The following DPP10 variants were observed in gnomAD, a reference collection of about 807,000 sequenced individuals.
The protein encoded by DPP10 is inactive dipeptidyl peptidase 10.
DPP10 carries 33 observed loss-of-function variants against 120.9 expected under a neutral mutation model. The observed-to-expected ratio is 0.27, with a 90% CI of 0.21 to 0.37. DPP10 has a LOEUF of 0.37. DPP10 is among the 10% of genes least tolerant of loss of function. The pLI is 1.00. For synonymous variants in DPP10, 337 were observed against 326.1 expected (o/e 1.03, Z -0.36); for missense variants, 816 against 942.8 (o/e 0.87, Z 1.76).
intron 4 of DPP10, among the ~76,000 whole-genome samples, chr2:115,515,884 A>T (rs1274297850): frequency 6.6e-6 from 1 of 152,144 alleles, no homozygotes; most frequent in Admixed American, 6.6e-5. Context: ...AAATAAAATG[A>T]ATAATGAAAA....
At chr2:114,510,150 A>G (rs796506495) in intron 1 of DPP10, among the ~76,000 whole-genome samples, 10 of 152,360 alleles carry the variant, frequency 6.6e-5, no homozygotes, top group African/African-American at 2.4e-4. Flanking sequence ...TGGGCTTCAG[A>G]AGCATTTGTA....
chr2:114,614,123 C>A (rs1413579518), intron 1 of DPP10, among the ~76,000 whole-genome samples: 1 of 152,148 alleles, frequency 6.6e-6, no homozygotes, highest in Non-Finnish European at 1.5e-5. Context: ...TATCCCAGAA[C>A]TTAAAGTAAA....
chr2:114,697,906 T>C (rs923595626), intron 1 of DPP10, among the ~76,000 whole-genome samples: 4 of 152,120 alleles, frequency 2.6e-5, no homozygotes, highest in African/African-American at 4.8e-5. Flanking sequence ...AATATCCTTC[T>C]TACAACTGTA....
At position 115,791,333 on chromosome 2, in the gene DPP10, C is replaced by T; in HGVS notation, c.1677C>T (p.Asn559=). Residue 559 remains asparagine, a synonymous_variant, in exon 19 of 26, where the codon AAC becomes AAT. Coordinates refer to ENST00000410059, the MANE Select transcript of DPP10 (RefSeq NM_020868.6). The part of the protein sequence containing the change: ...LSLPKDFMDR[N]QYALLLIMDE... ...TTCCCAAAGATTTTATGGACCGAAA[C>T]CAGTATGCTCTTCTGTTAATAATGT... The T allele has an allele frequency of 6.2e-7, 1 of 1,610,352 alleles. No homozygotes were observed. Among genetic ancestry groups the T allele is most frequent in the South Asian group, 1.1e-5 (1 of 89,916 alleles).
At chr2:115,480,611 A>G (rs1021389114) in intron 3 of DPP10, among the ~76,000 whole-genome samples, 1 of 152,114 alleles carries the variant, frequency 6.6e-6, no homozygotes, top group East Asian at 1.9e-4. Context: ...AGCTGTGCCA[A>G]GAGCAAATGT....
chr2:115,094,476 C>G lies in DPP10; in HGVS notation c.61-214763C>G, dbSNP rs1215107508. ...ATCTTCAATCCTCTAACTTACATCA[C>G]ATGGTAAACTACTTCCTTTGCAATC... is the stretch of plus-strand genomic sequence containing the variant. On this transcript the variant is annotated intron_variant, in intron 1 of 25. Coordinates refer to ENST00000410059, the MANE Select transcript of DPP10 (RefSeq NM_020868.6). Among the ~76,000 whole-genome samples the G allele has an allele frequency of 1.4e-4, 21 of 152,256 alleles. No individual in the cohort carries two copies. The East Asian group carries it at 2.7e-3, about 20-fold the overall frequency.
At chr2:115,228,352 G>T (rs1395200273) in intron 1 of DPP10, among the ~76,000 whole-genome samples, 1 of 151,874 alleles carries the variant, frequency 6.6e-6, no homozygotes, top group Non-Finnish European at 1.5e-5. Flanking sequence ...CTTTCTTTGT[G>T]TTACAGACTA....
chr2:115,006,688 C>T (rs925728165), intron 1 of DPP10, among the ~76,000 whole-genome samples: 5 of 151,372 alleles, frequency 3.3e-5, no homozygotes, highest in Admixed American at 2.6e-4. Flanking sequence ...TATATATGCA[C>T]CCAATACAGG....
intron 1 of DPP10, among the ~76,000 whole-genome samples, chr2:115,268,920 C>CG (rs60196452): frequency 0.77 from 117,515 of 151,950 alleles, 46,017 homozygotes; most frequent in East Asian, 0.89. Context: ...GAGGCCGAGG[C>CG]GGCGGATCAT....
intron 1 of DPP10, among the ~76,000 whole-genome samples, chr2:115,198,716 C>G (rs2055470757): frequency 6.6e-6 from 1 of 152,148 alleles, no homozygotes; most frequent in African/African-American, 2.4e-5. Context: ...CAGCCCCACC[C>G]AGACTTAAGA....
chr2:115,410,762 A>G (rs1485611676), intron 3 of DPP10, among the ~76,000 whole-genome samples: 1 of 152,222 alleles, frequency 6.6e-6, no homozygotes, highest in African/African-American at 2.4e-5. Context: ...CTAAATCACC[A>G]CTAAACAACT....
At chr2:115,761,992 A>C (rs12997351) in intron 11 of DPP10, among the ~76,000 whole-genome samples, 16,933 of 152,166 alleles carry the variant, frequency 0.11, 1,242 homozygotes, top group Middle Eastern at 0.3. Context: ...AAATTAGTCT[A>C]ATTTTGCTTT....
chr2:114,631,314 A>G (rs1347903430), intron 1 of DPP10, among the ~76,000 whole-genome samples: 2 of 152,030 alleles, frequency 1.3e-5, no homozygotes, highest in African/African-American at 2.4e-5. Context: ...GTCCCCTCTA[A>G]AAGCATGCCT....
chr2:115,795,647 A>G (rs932413352), intron 19 of DPP10, among the ~76,000 whole-genome samples: 18 of 152,238 alleles, frequency 1.2e-4, no homozygotes, highest in African/African-American at 3.1e-4. Context: ...TGTTTTCTAT[A>G]TAAGTATTCT....
At chr2:114,933,330 A>T (rs1482822658) in intron 1 of DPP10, among the ~76,000 whole-genome samples, 2 of 152,180 alleles carry the variant, frequency 1.3e-5, no homozygotes, top group African/African-American at 4.8e-5. Flanking sequence ...ATCAGCCAAG[A>T]TATGCATGAC....
intron 1 of DPP10, among the ~76,000 whole-genome samples, chr2:114,961,098 C>T (rs1574579221): frequency 9.0e-6 from 1 of 110,582 alleles, no homozygotes; most frequent in Admixed American, 1.4e-4. Flanking sequence ...GTTGCCCAGG[C>T]TGGAGTGCAA....
chr2:115,827,447 T>TATATAA (rs1388130768), intron 21 of DPP10, among the ~76,000 whole-genome samples: 16 of 126,826 alleles, frequency 1.3e-4, no homozygotes, highest in African/African-American at 4.7e-4. Flanking sequence ...TATATATATA[T>TATATAA]GCTCTACAGT....
At chr2:115,465,561 G>A (rs569662633) in intron 3 of DPP10, among the ~76,000 whole-genome samples, 11 of 152,248 alleles carry the variant, frequency 7.2e-5, no homozygotes, top group Admixed American at 5.2e-4. Flanking sequence ...GGTGGCTCAC[G>A]CCTGTAATCC....
chr2:114,844,043 C>A (rs1248258497), intron 1 of DPP10, among the ~76,000 whole-genome samples: 1 of 152,162 alleles, frequency 6.6e-6, no homozygotes, highest in African/African-American at 2.4e-5. Flanking sequence ...TCTCTAAAAT[C>A]ATTCCTCTTG....
Sources: allele counts gnomAD v4.1 joint callset (sites outside exome capture counted in the v4.1 genomes callset), GRCh38; gene constraint gnomAD v4.1.1; transcripts MANE v1.5; gene names NCBI Gene and HGNC (gene_info 2026-07-23, HGNC 2026-07-21).